The following EPHA4 variants were observed in gnomAD, a reference collection of about 807,000 sequenced individuals.
EPHA4 encodes ephrin type-A receptor 4.
Under a neutral mutation model 108.3 loss-of-function variants are expected in EPHA4, and 19 were observed. The observed-to-expected ratio is 0.18, with a 90% CI of 0.12 to 0.26. The LOEUF is 0.26. EPHA4 is among the 10% of genes least tolerant of loss of function. The probability of loss-of-function intolerance (pLI) is 1.00; values close to 1 mark genes in which losing one functional copy is unlikely to be tolerated. For synonymous variants in EPHA4, 449 were observed against 455.5 expected, an observed-to-expected ratio of 0.99 and a Z score of 0.18; for missense variants, 917 against 1,254.0, an observed-to-expected ratio of 0.73 and a Z score of 4.06.
At position 221,547,803 on chromosome 2, in the gene EPHA4, A is replaced by T. The variant is rs76598953; in HGVS notation, c.823+15928T>A. Among the ~76,000 whole-genome samples, 1,352 of 152,288 alleles carry T rather than the reference A, an allele frequency of 8.9e-3. 35 individuals carry two copies. The highest frequency in any genetic ancestry group is 6.4e-3 in the Non-Finnish European group (434 of 68,028). Reference sequence around the variant, plus strand: ...TGTCAAGCAGTATACATGGCCAAACACATCCATCATTTCGTGCCCTGGCCT... The same window carrying T: ...TGTCAAGCAGTATACATGGCCAAACTCATCCATCATTTCGTGCCCTGGCCT... On this transcript the variant is annotated intron_variant, in intron 3 of 17. Coordinates refer to ENST00000281821, the MANE Select transcript of EPHA4 (RefSeq NM_004438.5).
chr2:221,512,978 A>C (rs1434180864), intron 3 of EPHA4, among the ~76,000 whole-genome samples: 1 of 152,172 alleles, frequency 6.6e-6, no homozygotes, highest in African/African-American at 2.4e-5. Context: ...CATGCACCTA[A>C]CCCAGGCTGT....
chr2:221,512,049 A>G (rs1692848731), intron 3 of EPHA4, among the ~76,000 whole-genome samples: 1 of 152,176 alleles, frequency 6.6e-6, no homozygotes, highest in Non-Finnish European at 1.5e-5. Flanking sequence ...TTGAGATTAA[A>G]GAAATATTAA....
intron 4 of EPHA4, among the ~76,000 whole-genome samples, chr2:221,483,109 A>G (rs1227650300): frequency 6.6e-6 from 1 of 152,232 alleles, no homozygotes; most frequent in Non-Finnish European, 1.5e-5. Context: ...CTGAAGGTAA[A>G]TTATAATTCC....
In EPHA4 at chr2:221,425,921, T is replaced by G; in HGVS notation, c.*107A>C. 1 of 911,890 alleles carries G rather than the reference T, an allele frequency of 1.1e-6. No homozygotes were observed. The highest frequency in any genetic ancestry group is 1.7e-6 in the Non-Finnish European group (1 of 573,900). 56.5% of individuals were successfully genotyped at this position (911,890 alleles called of 1,614,324 possible). ...AGATATTGTTTTTTTTTTTCATTTC[T>G]TTAATTTCAGAGGGCGAAGACGAAG... is the stretch of plus-strand genomic sequence containing the variant. On this transcript the variant is annotated 3_prime_UTR_variant, in exon 17 of 18. Coordinates refer to ENST00000281821, the MANE Select transcript of EPHA4 (RefSeq NM_004438.5).
chr2:221,452,496 C>T (rs1690817188), intron 8 of EPHA4, among the ~76,000 whole-genome samples: 1 of 152,220 alleles, frequency 6.6e-6, no homozygotes, highest in Non-Finnish European at 1.5e-5. Flanking sequence ...GATAACAGAG[C>T]AGACAACCTG....
chr2:221,504,355 A>AAGGAGGAGGAGGAGG (rs1234865438), intron 3 of EPHA4, among the ~76,000 whole-genome samples: 1 of 151,986 alleles, frequency 6.6e-6, no homozygotes, highest in South Asian at 2.1e-4. Context: ...GGAGGAGGAG[A>AAGGAGGAGGAGGAGG]AGGAGGAGGA....
chr2:221,547,437 A>C (rs1425777023), intron 3 of EPHA4, among the ~76,000 whole-genome samples: 3 of 152,154 alleles, frequency 2.0e-5, no homozygotes, highest in Non-Finnish European at 1.5e-5. Flanking sequence ...GTAACTTCCC[A>C]ATTACTTAAG....
intron 4 of EPHA4, among the ~76,000 whole-genome samples, chr2:221,484,659 C>T (rs1292630130): frequency 6.6e-6 from 1 of 152,144 alleles, no homozygotes; most frequent in Non-Finnish European, 1.5e-5. Flanking sequence ...TACATAAAAT[C>T]ACCGACTCTA....
rs376843973 is a variant in EPHA4, at chr2:221,482,340, T to C, written c.1318+12A>G. 25 of 1,582,636 alleles carry C rather than the reference T, an allele frequency of 1.6e-5. No homozygotes were observed. In the Middle Eastern group the frequency reaches 5.6e-4, roughly 35 times the overall value. On this transcript the variant is annotated intron_variant, in intron 5 of 17. Transcript: ENST00000281821. Reference sequence around the variant, plus strand: ...CATTCAGATCATACAATAAAGTAGATTCAATTCCTACCTGCTTGGTTGGTG... The same window carrying C: ...CATTCAGATCATACAATAAAGTAGACTCAATTCCTACCTGCTTGGTTGGTG...
intron 3 of EPHA4, among the ~76,000 whole-genome samples, chr2:221,531,705 A>G (rs931059391): frequency 2.8e-4 from 39 of 138,814 alleles, no homozygotes; most frequent in African/African-American, 9.7e-4. Context: ...AGTTATACTC[A>G]TCTATCTGTC....
chr2:221,458,747 G>A (rs752071804), intron 5 of EPHA4, among the ~76,000 whole-genome samples: 110 of 152,292 alleles, frequency 7.2e-4, no homozygotes, highest in Non-Finnish European at 3.8e-4. Context: ...CAGGCTGCCC[G>A]ATGCTCACTT....
chr2:221,466,614 T>TA (rs1691320917), intron 5 of EPHA4, among the ~76,000 whole-genome samples: 1 of 152,206 alleles, frequency 6.6e-6, no homozygotes. Context: ...TGTAACAACA[T>TA]ACACACGAAA....
intron 3 of EPHA4, among the ~76,000 whole-genome samples, chr2:221,508,082 G>A (rs189723410): frequency 8.5e-5 from 13 of 152,292 alleles, no homozygotes; most frequent in African/African-American, 2.9e-4. Flanking sequence ...TGCTGGTCCA[G>A]GGACATGTTT....
intron 17 of EPHA4, among the ~76,000 whole-genome samples, chr2:221,423,144 C>A (rs1436819171): frequency 6.6e-6 from 1 of 152,158 alleles, no homozygotes; most frequent in Admixed American, 6.5e-5. Context: ...CTGTGGAGCT[C>A]ACCGTGTTTT....
rs1270050863 is a variant in EPHA4 at position 221,419,639 on chromosome 2, CA to C, written c.*1732del. The stretch of plus-strand genomic sequence containing the variant: ...ATTTGTAATTTTGATGATGGGTTGT[CA>C]CCTGAATGGATTTATATTTTAAATT... On this transcript the variant is annotated 3_prime_UTR_variant, in exon 18 of 18. Coordinates refer to ENST00000281821, the MANE Select transcript of EPHA4 (RefSeq NM_004438.5). The C allele has an allele frequency of 6.6e-6, 1 of 152,584 alleles. No individual in the cohort carries two copies. Among genetic ancestry groups the C allele is most frequent in the Non-Finnish European group, 1.5e-5 (1 of 68,042 alleles). 9.5% of individuals were successfully genotyped at this position (152,584 alleles called of 1,614,324 possible). A position where few individuals can be genotyped will look rare whatever the true frequency, so the allele number is the denominator to read the frequency against.
chr2:221,490,059 T>C (rs1417614707), intron 4 of EPHA4, among the ~76,000 whole-genome samples: 3 of 151,202 alleles, frequency 2.0e-5, no homozygotes, highest in Non-Finnish European at 4.4e-5. Flanking sequence ...GGTGGGAGGA[T>C]TGCTTGAACC....
chr2:221,497,906 GC>G (rs1468526671), intron 4 of EPHA4, among the ~76,000 whole-genome samples: 2 of 152,124 alleles, frequency 1.3e-5, no homozygotes, highest in African/African-American at 4.8e-5. Context: ...TCTGAAACAT[GC>G]AAATGTTACT....
chr2:221,441,347 G>A (rs1205315513), intron 11 of EPHA4, among the ~76,000 whole-genome samples: 2 of 151,786 alleles, frequency 1.3e-5, no homozygotes, highest in African/African-American at 2.4e-5. Flanking sequence ...GTAGAAGAGG[G>A]TGGTTCCCTG....
intron 3 of EPHA4, among the ~76,000 whole-genome samples, chr2:221,504,560 T>C (rs201256974): frequency 6.9e-5 from 9 of 129,538 alleles, no homozygotes; most frequent in South Asian, 5.2e-4. Flanking sequence ...TATATATATA[T>C]ATATGGCTAT....
Sources: allele counts gnomAD v4.1 joint callset (sites outside exome capture counted in the v4.1 genomes callset), GRCh38; gene constraint gnomAD v4.1.1; transcripts MANE v1.5; gene names NCBI Gene and HGNC (gene_info 2026-07-23, HGNC 2026-07-21).